The following MS4A4E variants were observed in gnomAD, a reference collection of about 807,000 sequenced individuals.
The protein encoded by MS4A4E is putative membrane-spanning 4-domains subfamily A member 4E.
In MS4A4E, 23 loss-of-function variants were observed where a neutral mutation model predicts 13.3. The observed-to-expected ratio is 1.73, with a 90% CI of 1.25 to 2.45. The LOEUF is 2.45. Among genes scored for constraint, MS4A4E ranks in the 30% most tolerant of loss-of-function variants. The pLI, the probability that MS4A4E is intolerant of heterozygous loss-of-function variation, is 0.00. For missense variants in MS4A4E, 144 were observed against 131.2 expected (o/e 1.10, Z -0.48); for synonymous variants, 36 against 45.6 (o/e 0.79, Z 0.85).
intron 1 of MS4A4E, among the ~76,000 whole-genome samples, chr11:60,238,807 A>T (rs2084514515): frequency 6.6e-6 from 1 of 152,240 alleles, no homozygotes; most frequent in Non-Finnish European, 1.5e-5. Flanking sequence ...AGAAGTGTTT[A>T]TACCACAGAA....
intron 5 of MS4A4E, among the ~76,000 whole-genome samples, chr11:60,212,311 T>C (rs1411205195): frequency 2.6e-5 from 2 of 75,924 alleles, no homozygotes; most frequent in Non-Finnish European, 5.2e-5. Context: ...CACTGACATC[T>C]TTTTTTTTTT....
Position 60,206,512 on chromosome 11 carries a change from T to TAC in MS4A4E, c.484-694_484-693dup, listed in dbSNP as rs10696106. ...ATGTATATATATACGTATATATATA[T>TAC]ACACACACACACACACAGAGGTCAT... On this transcript the variant is annotated intron_variant, in intron 6 of 8. Coordinates refer to ENST00000651255, the MANE Select transcript of MS4A4E (RefSeq NM_001393391.1). Among the ~76,000 whole-genome samples, 195 of 98,228 alleles carry TAC rather than the reference T, an allele frequency of 2.0e-3. 4 individuals carry two copies. Among genetic ancestry groups the TAC allele is most frequent in the African/African-American group, 6.0e-3 (124 of 20,612 alleles). 64.4% of individuals were successfully genotyped at this position (98,228 alleles called of 152,430 possible). A position where few individuals can be genotyped will look rare whatever the true frequency, so the allele number is the denominator to read the frequency against.
At position 60,206,140 on chromosome 11, in the gene MS4A4E, T is replaced by G. The variant is rs533029467; in HGVS notation, c.484-320A>C. 2.0e-5 allele frequency among the ~76,000 whole-genome samples: 3 copies of G among 151,966 alleles called. No homozygotes were observed. The South Asian group carries it at 6.2e-4, about 32-fold the overall frequency. ...GAGAAGGGCATGAATCTCCACTTCATGAAGGAAAAAGCACTTTGGTCCCCA... is the reference window on the plus strand; with the variant it reads ...GAGAAGGGCATGAATCTCCACTTCAGGAAGGAAAAAGCACTTTGGTCCCCA... On this transcript the variant is annotated intron_variant, in intron 6 of 8. Transcript: ENST00000651255.
At chr11:60,214,761 A>G in intron 3 of MS4A4E, 147 bp from the exon 4 acceptor site, 1 of 444,666 alleles carries the variant, frequency 2.2e-6, no homozygotes, top group East Asian at 3.5e-5. Flanking sequence ...GAGATTGCAC[A>G]TAATTTTCTC....
chr11:60,230,075 C>A lies in MS4A4E; in HGVS notation c.-16-4G>T. On this transcript the variant is annotated splice_region_variant and splice_polypyrimidine_tract_variant and intron_variant, in intron 1 of 8. Coordinates refer to ENST00000651255, the MANE Select transcript of MS4A4E (RefSeq NM_001393391.1). Reference sequence around the variant, plus strand: ...TGTCATGGCAGCAGAAAAGGTGCTACAATAAGAAATGTAATTTAGGATGAG... The same window carrying A: ...TGTCATGGCAGCAGAAAAGGTGCTAAAATAAGAAATGTAATTTAGGATGAG... 1.3e-6 allele frequency: 2 copies of A among 1,568,694 alleles called. No individual in the cohort carries two copies. The highest frequency in any genetic ancestry group is 2.3e-5 in the East Asian group (1 of 42,778).
chr11:60,205,571 A>T (rs909406940), intron 7 of MS4A4E, among the ~76,000 whole-genome samples, 143 bp downstream of exon 7: 9 of 152,208 alleles, frequency 5.9e-5, no homozygotes, highest in Admixed American at 2.0e-4. Context: ...GCCAGACAAT[A>T]TTATTACTAT....
At chr11:60,229,768 G>T in intron 2 of MS4A4E, 144 bp downstream of exon 2, 1 of 722,108 alleles carries the variant, frequency 1.4e-6, no homozygotes, top group Non-Finnish European at 2.2e-6. Flanking sequence ...TTTTTTCAAA[G>T]AAAGGGCCTG....
chr11:60,207,329 G>T (rs996507741), intron 6 of MS4A4E, among the ~76,000 whole-genome samples: 1 of 152,140 alleles, frequency 6.6e-6, no homozygotes, highest in Admixed American at 6.5e-5. Flanking sequence ...ACATTCCCCA[G>T]CTTCTATGCA....
In MS4A4E at chr11:60,228,808, C is replaced by T. The variant is rs566135536; in HGVS notation, c.145-181G>A. On this transcript the variant is annotated intron_variant, in intron 2 of 8. Transcript: ENST00000651255. ...AGAAAACATAGAGGAAATTTAAATG[C>T]ATGTTATTAGGTGAAGGAAGGCAGT... Among the ~76,000 whole-genome samples the T allele has an allele frequency of 2.2e-3, 339 of 152,252 alleles. 3 individuals carry two copies. Among genetic ancestry groups the T allele is most frequent in the African/African-American group, 7.3e-3 (303 of 41,548 alleles).
chr11:60,224,959 G>T, intron 3 of MS4A4E: 1 of 1,508,314 alleles, frequency 6.6e-7, no homozygotes, highest in Non-Finnish European at 8.9e-7. Flanking sequence ...AAAATACCCT[G>T]CTTACCATCA....
In MS4A4E at chr11:60,200,828, G is replaced by A. The variant is rs1185788918; in HGVS notation, c.*715C>T. Among the ~76,000 whole-genome samples, 2 of 151,476 alleles carry A rather than the reference G, an allele frequency of 1.3e-5. No individual in the cohort carries two copies. Among genetic ancestry groups the A allele is most frequent in the Non-Finnish European group, 2.9e-5 (2 of 68,034 alleles). On this transcript the variant is annotated 3_prime_UTR_variant, in exon 9 of 9. Transcript: ENST00000651255. ...GGGTACACTTCCCAGATGGGGTGGT[G>A]GCCGGGCAGAGGGGCTCCTCACTTC... is the stretch of plus-strand genomic sequence containing the variant.
At chr11:60,213,960 A>G (rs1265616649) in intron 4 of MS4A4E, among the ~76,000 whole-genome samples, 3 of 151,708 alleles carry the variant, frequency 2.0e-5, no homozygotes, top group Non-Finnish European at 2.9e-5. Flanking sequence ...GCTGAAGTGC[A>G]GTGGCACAAT....
At chr11:60,226,019 C>G (rs191810975) in intron 3 of MS4A4E, among the ~76,000 whole-genome samples, 1 of 151,842 alleles carries the variant, frequency 6.6e-6, no homozygotes, top group Non-Finnish European at 1.5e-5. Flanking sequence ...AATAACTCTA[C>G]GAACAATTCT....
rs184292530 is a variant in MS4A4E at position 60,239,027 on chromosome 11, T to C, written c.-17+3931A>G. Among the ~76,000 whole-genome samples the C allele has an allele frequency of 6.8e-3, 1,039 of 152,342 alleles. 2 individuals are homozygous for C. Among genetic ancestry groups the C allele is most frequent in the Non-Finnish European group, 0.011 (733 of 68,018 alleles). On this transcript the variant is annotated intron_variant, in intron 1 of 8. Coordinates refer to ENST00000651255, the MANE Select transcript of MS4A4E (RefSeq NM_001393391.1). ...ATTTTCCTAGCAGTATTACCTATAATAGTCAAAAGGTGCAAACAACCCAAA... is the reference window on the plus strand; with the variant it reads ...ATTTTCCTAGCAGTATTACCTATAACAGTCAAAAGGTGCAAACAACCCAAA...
chr11:60,234,399 A>C (rs906690543), intron 1 of MS4A4E, among the ~76,000 whole-genome samples: 2 of 152,192 alleles, frequency 1.3e-5, no homozygotes, highest in Non-Finnish European at 2.9e-5. Context: ...CTTAATTGCC[A>C]TTGTAACAGT....
intron 7 of MS4A4E, among the ~76,000 whole-genome samples, 60 bp from the exon 8 acceptor site, chr11:60,205,018 C>T (rs943461936): frequency 6.6e-6 from 1 of 152,120 alleles, no homozygotes; most frequent in African/African-American, 2.4e-5. Flanking sequence ...CCATGAAAAG[C>T]GTGCATGGAG....
intron 1 of MS4A4E, among the ~76,000 whole-genome samples, chr11:60,242,192 G>A (rs2084560675): frequency 6.6e-6 from 1 of 152,050 alleles, no homozygotes; most frequent in African/African-American, 2.4e-5. Flanking sequence ...TAGGAACCAA[G>A]AATTCTGGGT....
At chr11:60,229,311 T>C (rs574555788) in intron 2 of MS4A4E, among the ~76,000 whole-genome samples, 4 of 152,258 alleles carry the variant, frequency 2.6e-5, no homozygotes, top group Admixed American at 2.0e-4. Context: ...TCCAAAAAAA[T>C]GAATAATGCA....
chr11:60,232,853 C>T (rs668134), intron 1 of MS4A4E, among the ~76,000 whole-genome samples: 138,916 of 152,148 alleles, frequency 0.91, 63,558 homozygotes, highest in Non-Finnish European at 0.94. Context: ...GCCAAACTGC[C>T]GCTATCTACT....
Sources: gnomAD v4.1 joint callset for allele counts (sites outside exome capture counted in the v4.1 genomes callset) on GRCh38, gnomAD v4.1.1 for gene constraint, MANE v1.5 for transcripts, NCBI Gene and HGNC (gene_info 2026-07-23, HGNC 2026-07-21) for gene names.